Variants in BTBD8 observed in about 807,000 individuals in gnomAD.
BTBD8 encodes the protein BTB domain containing 8.
BTBD8 carries 110 observed loss-of-function variants against 162.9 expected under a neutral mutation model. The observed-to-expected ratio is 0.68, with a 90% CI of 0.58 to 0.79. The LOEUF (loss-of-function observed/expected upper bound fraction) is 0.79, where lower values mean the gene tolerates loss of function less well. Ranked by LOEUF, BTBD8 falls within the 30% of genes least tolerant of loss-of-function variation. The pLI is 0.00. For missense variants in BTBD8, 1,905 were observed against 2,085.4 expected, an observed-to-expected ratio of 0.91 and a Z score of 1.68; for synonymous variants, 667 against 716.1, an observed-to-expected ratio of 0.93 and a Z score of 1.10.
chr1:92,120,288 A>T (rs1266498411), intron 4 of BTBD8, among the ~76,000 whole-genome samples: 1 of 152,206 alleles, frequency 6.6e-6, no homozygotes, highest in African/African-American at 2.4e-5. Context: ...GCCTACACAG[A>T]GCCAGGATTA....
At position 92,153,655 on chromosome 1, in the gene BTBD8, A is replaced by G. The variant is rs1349196044; in HGVS notation, c.1122+5869A>G. On this transcript the variant is annotated intron_variant, in intron 9 of 17. Coordinates refer to ENST00000636805, the MANE Select transcript of BTBD8 (RefSeq NM_001376131.1). ...TTTCACTTAGGATAATGTCCTCAAC[A>G]TTCATCCATGTGGTCACATCTTACA... Among the ~76,000 whole-genome samples the G allele has an allele frequency of 2.0e-5, 3 of 152,304 alleles. No homozygotes were observed. The East Asian group carries it at 5.8e-4, about 29-fold the overall frequency.
intron 4 of BTBD8, among the ~76,000 whole-genome samples, chr1:92,122,438 T>C (rs1235497251): frequency 6.6e-6 from 1 of 152,160 alleles, no homozygotes; most frequent in Non-Finnish European, 1.5e-5. Context: ...TTTATATTTT[T>C]AGTAGAGACG....
intron 9 of BTBD8, among the ~76,000 whole-genome samples, chr1:92,148,948 A>G (rs559444456): frequency 4.6e-5 from 7 of 152,346 alleles, no homozygotes; most frequent in East Asian, 1.9e-4. Flanking sequence ...AGTAAAATCA[A>G]TAGAAAGCTA....
intron 2 of BTBD8, among the ~76,000 whole-genome samples, chr1:92,095,385 C>G (rs527443475): frequency 1.3e-5 from 2 of 152,308 alleles, no homozygotes; most frequent in Admixed American, 6.5e-5. Context: ...TCCTTCTGAC[C>G]AACCCTGTTG....
At position 92,081,386 on chromosome 1, in the gene BTBD8, T is replaced by C. The variant is rs138000037; in HGVS notation, c.149+666T>C. ...AAGTAATTTCAGCTTACAAAGAAATTGAAGCTTAGAAATATGACCTAGCTA... is the reference window on the plus strand; with the variant it reads ...AAGTAATTTCAGCTTACAAAGAAATCGAAGCTTAGAAATATGACCTAGCTA... On this transcript the variant is annotated intron_variant, in intron 1 of 17. Transcript: ENST00000636805. Among the ~76,000 whole-genome samples, 983 of 152,334 alleles carry C rather than the reference T, an allele frequency of 6.5e-3. 8 individuals carry two copies. The highest frequency in any genetic ancestry group is 0.024 in the Middle Eastern group (7 of 294).
chr1:92,124,778 G>A (rs1649307917), intron 4 of BTBD8, among the ~76,000 whole-genome samples: 1 of 152,110 alleles, frequency 6.6e-6, no homozygotes, highest in African/African-American at 2.4e-5. Context: ...CATTTTATTT[G>A]AGAAGATAGA....
At position 92,184,246 on chromosome 1, in the gene BTBD8, G is replaced by A. The variant is rs773320884; in HGVS notation, c.5295G>A (p.Ala1765=). The A allele has an allele frequency of 1.1e-5, 17 of 1,551,582 alleles. No individual in the cohort carries two copies. Among genetic ancestry groups the A allele is most frequent in the Admixed American group, 9.8e-5 (5 of 51,008 alleles). ...SELTSPLDSS[A]SITMASFSSE... is the part of the protein sequence containing the mutation. ...TAACATCTCCACTTGATTCCTCAGCGAGCATCACCATGGCTAGTTTTTCCT... is the reference window on the plus strand; with the variant it reads ...TAACATCTCCACTTGATTCCTCAGCAAGCATCACCATGGCTAGTTTTTCCT... Residue 1765 remains alanine (A), a synonymous_variant, in exon 18 of 18, where the codon GCG becomes GCA. Coordinates refer to ENST00000636805, the MANE Select transcript of BTBD8 (RefSeq NM_001376131.1).
intron 2 of BTBD8, among the ~76,000 whole-genome samples, chr1:92,099,953 G>A (rs991548348): frequency 4.6e-5 from 7 of 152,150 alleles, no homozygotes; most frequent in African/African-American, 1.4e-4. Flanking sequence ...TAGGAAGAAA[G>A]CTTTCAGTTA....
Position 92,180,742 on chromosome 1 carries a change from A to G in BTBD8, c.3059A>G (p.Glu1020Gly), listed in dbSNP as rs968248761. The G allele has an allele frequency of 6.4e-7, 1 of 1,551,660 alleles. No homozygotes were observed. The highest frequency in any genetic ancestry group is 8.7e-7 in the Non-Finnish European group (1 of 1,147,020). The change falls in exon 17 of 18, where the codon GAA (glutamate) becomes GGA (glycine). Residue 1020 changes from glutamate (E) to glycine (G), a missense_variant. Transcript: ENST00000636805. Reference protein sequence around the residue: ...PDPQKPLNDQEKEKLALECQN... With the variant: ...PDPQKPLNDQGKEKLALECQN... ...CCACAAAAGCCATTAAACGATCAAGAAAAAGAGAAGTTGGCGTTAGAATGC... is the reference window on the plus strand; with the variant it reads ...CCACAAAAGCCATTAAACGATCAAGGAAAAGAGAAGTTGGCGTTAGAATGC...
intron 9 of BTBD8, among the ~76,000 whole-genome samples, chr1:92,159,408 C>T (rs993126700): frequency 6.6e-6 from 1 of 152,144 alleles, no homozygotes; most frequent in African/African-American, 2.4e-5. Context: ...AACTCCTGAG[C>T]TCAAGTGATC....
At chr1:92,126,372 C>A in intron 4 of BTBD8, 1 of 667,506 alleles carries the variant, frequency 1.5e-6, no homozygotes, top group Non-Finnish European at 2.7e-6. Flanking sequence ...GTACATTAAG[C>A]TGGACCAGCC....
chr1:92,126,100 T>C, intron 4 of BTBD8: 1 of 487,278 alleles, frequency 2.1e-6, no homozygotes, highest in South Asian at 1.7e-5. Context: ...TTAGAGTCTC[T>C]GGATAAGTGA....
chr1:92,110,003 T>C (rs1648848112), intron 4 of BTBD8, among the ~76,000 whole-genome samples: 1 of 152,224 alleles, frequency 6.6e-6, no homozygotes, highest in Non-Finnish European at 1.5e-5. Context: ...TTTGCTAGTT[T>C]AATGTGCCCA....
At chr1:92,136,051 G>C (rs1441927288) in intron 5 of BTBD8, among the ~76,000 whole-genome samples, 1 of 151,974 alleles carries the variant, frequency 6.6e-6, no homozygotes, top group African/African-American at 2.4e-5. Context: ...TTAGATATTT[G>C]ACTTTATTTC....
rs200827462 is a variant in BTBD8 at position 92,163,916 on chromosome 1, AAATG to A, written c.1123-3041_1123-3038del. Among the ~76,000 whole-genome samples, 5 of 152,194 alleles carry A rather than the reference AAATG, an allele frequency of 3.3e-5. No homozygotes were observed. In the East Asian group the frequency reaches 5.8e-4, roughly 18 times the overall value. On this transcript the variant is annotated intron_variant, in intron 9 of 17. Transcript: ENST00000636805. ...TACTCTATATCTGTGGTTTTTAAAA[AAATG>A]CTACTGTCAGAGCACATCACATTAT...
intron 4 of BTBD8, chr1:92,126,281 G>A (rs1022421393): frequency 5.0e-6 from 3 of 600,112 alleles, no homozygotes; most frequent in African/African-American, 1.9e-5. Flanking sequence ...GAAGATTGGG[G>A]CCTTCTGATT....
In BTBD8 at chr1:92,181,068, G is replaced by A; in HGVS notation, c.3385G>A (p.Gly1129Arg). Residue 1129 changes from glycine (G) to arginine (R), a missense_variant, in exon 17 of 18, where the codon GGG becomes AGG. By Grantham distance (125) the Gly-to-Arg change is moderately radical. Coordinates refer to ENST00000636805, the MANE Select transcript of BTBD8 (RefSeq NM_001376131.1). ...HLISDRENQV[G>R]RKDTNKQSSI... is the part of the protein sequence containing the mutation. ...GATATCAGATAGGGAGAACCAAGTA[G>A]GGAGAAAAGATACAAACAAACAATC... The A allele has an allele frequency of 1.9e-6, 3 of 1,551,680 alleles. No homozygotes were observed. In the South Asian group the frequency reaches 3.6e-5, roughly 18 times the overall value.
chr1:92,120,215 A>G (rs968488290), intron 4 of BTBD8, among the ~76,000 whole-genome samples: 2 of 152,156 alleles, frequency 1.3e-5, no homozygotes, highest in Non-Finnish European at 2.9e-5. Flanking sequence ...CTGTTAAAAA[A>G]TATTTTTAAG....
At chr1:92,124,327 G>A (rs1649297990) in intron 4 of BTBD8, among the ~76,000 whole-genome samples, 1 of 152,122 alleles carries the variant, frequency 6.6e-6, no homozygotes, top group Admixed American at 6.5e-5. Flanking sequence ...TCAGCAGGAG[G>A]GTTGATCTGA....
Sources: gnomAD v4.1 joint callset for allele counts (sites outside exome capture counted in the v4.1 genomes callset) on GRCh38, gnomAD v4.1.1 for gene constraint, MANE v1.5 for transcripts, NCBI Gene and HGNC (gene_info 2026-07-23, HGNC 2026-07-21) for gene names.